RASEF: variants seen among roughly 807,000 people sequenced by gnomAD.
RASEF encodes the protein ras and EF-hand domain-containing protein.
Under a neutral mutation model 90.1 loss-of-function variants are expected in RASEF, and 68 were observed. The ratio of observed to expected loss-of-function variants is 0.75; its 90% confidence interval spans 0.62 to 0.92. The LOEUF (loss-of-function observed/expected upper bound fraction) is 0.92, where lower values mean the gene tolerates loss of function less well. Ranked by LOEUF, RASEF falls within the 40% of genes least tolerant of loss-of-function variation. RASEF has a pLI of 0.00. For missense variants in RASEF, 949 were observed against 937.2 expected (o/e 1.01, Z -0.16); for synonymous variants, 331 against 345.2 (o/e 0.96, Z 0.46).
At chr9:83,108,501 C>T in the RASEF span, among the ~76,000 whole-genome samples, 4 of 152,074 alleles carry the variant, frequency 2.6e-5, no homozygotes, top group Non-Finnish European at 4.4e-5. Context: ...CTGACCTAAG[C>T]CAGTGGTTCA....
At chr9:83,158,533 CACACACACACAT>C in the RASEF span, among the ~76,000 whole-genome samples, 5 of 149,256 alleles carry the variant, frequency 3.3e-5, no homozygotes, top group Non-Finnish European at 4.5e-5. Context: ...TCAAGCTTTC[CACACACACACAT>C]ACACACACAC....
chr9:83,123,531 C>A, the RASEF span, among the ~76,000 whole-genome samples: 2 of 150,106 alleles, frequency 1.3e-5, no homozygotes, highest in Admixed American at 6.6e-5. Context: ...TCAGAAACAG[C>A]AAAAGATACA....
chr9:82,998,306 C>T, intron 13 of RASEF, 59 bp downstream of exon 13: 1 of 944,728 alleles, frequency 1.1e-6, no homozygotes, highest in Non-Finnish European at 1.7e-6. Context: ...CATCAAGTGG[C>T]CTGCAAGGCT....
chr9:83,157,765 G>A, the RASEF span, among the ~76,000 whole-genome samples: 1 of 152,122 alleles, frequency 6.6e-6, no homozygotes, highest in African/African-American at 2.4e-5. Context: ...GCACATATTT[G>A]ATAAAAACTT....
chr9:83,049,798 T>C (rs1830009148), intron 1 of RASEF, among the ~76,000 whole-genome samples: 2 of 105,742 alleles, frequency 1.9e-5, no homozygotes, highest in Admixed American at 1.9e-4. Context: ...GGTGTTTGGT[T>C]TTTTGTTCTT....
At chr9:83,123,643 C>T in the RASEF span, among the ~76,000 whole-genome samples, 25 of 152,176 alleles carry the variant, frequency 1.6e-4, no homozygotes, top group Non-Finnish European at 3.4e-4. Context: ...CCGTGCTCTT[C>T]GAGTCTTCTG....
the RASEF span, among the ~76,000 whole-genome samples, chr9:83,119,820 G>C: frequency 6.6e-6 from 1 of 152,120 alleles, no homozygotes; most frequent in Non-Finnish European, 1.5e-5. Context: ...TCTGATAGTA[G>C]CTATTTCCTG....
rs568262465 is a variant in RASEF at position 83,014,226 on chromosome 9, G to A, written c.765+1579C>T. Among the ~76,000 whole-genome samples, 38 of 152,284 alleles carry A rather than the reference G, an allele frequency of 2.5e-4. No individual in the cohort carries two copies. In the East Asian group the frequency reaches 2.5e-3, roughly 10 times the overall value. Reference sequence around the variant, plus strand: ...CAAATTGATATTCATTTTCTAAGGAGGCTACTGGGGAGAATTCTTAATCAT... The same window carrying A: ...CAAATTGATATTCATTTTCTAAGGAAGCTACTGGGGAGAATTCTTAATCAT... On this transcript the variant is annotated intron_variant, in intron 4 of 16. Transcript: ENST00000376447.
chr9:83,033,399 G>A (rs1829680292), intron 1 of RASEF, among the ~76,000 whole-genome samples: 1 of 152,170 alleles, frequency 6.6e-6, no homozygotes, highest in East Asian at 1.9e-4. Flanking sequence ...AGTCCTTGGG[G>A]TATTCCCTGA....
the RASEF span, among the ~76,000 whole-genome samples, chr9:83,155,427 CAA>C: frequency 6.6e-6 from 1 of 152,124 alleles, no homozygotes; most frequent in African/African-American, 2.4e-5. Flanking sequence ...TGGCAGCAGA[CAA>C]GAGAGAATGA....
chr9:83,179,049 C>T, the RASEF span, among the ~76,000 whole-genome samples: 1 of 152,140 alleles, frequency 6.6e-6, no homozygotes, highest in African/African-American at 2.4e-5. Flanking sequence ...TGATTACTAC[C>T]CTCATGACTT....
At chr9:82,988,612 T>A in intron 16 of RASEF, among the ~76,000 whole-genome samples, 1 of 152,124 alleles carries the variant, frequency 6.6e-6, no homozygotes, top group East Asian at 1.9e-4. Flanking sequence ...CCCTTGGTGA[T>A]GAGTGAGTTC....
the RASEF span, among the ~76,000 whole-genome samples, chr9:83,170,356 G>C: frequency 4.6e-5 from 7 of 151,936 alleles, no homozygotes; most frequent in Non-Finnish European, 7.4e-5. Flanking sequence ...GGCAGGTAAT[G>C]TGATGCCTCC....
At chr9:83,061,671 ATAAT>A (rs1315257657) in intron 1 of RASEF, among the ~76,000 whole-genome samples, 20 of 152,178 alleles carry the variant, frequency 1.3e-4, no homozygotes, top group Non-Finnish European at 2.1e-4. Context: ...TTACCTCCTG[ATAAT>A]TAAGTCCGTG....
the RASEF span, among the ~76,000 whole-genome samples, chr9:83,132,694 A>G: frequency 1.3e-5 from 2 of 152,184 alleles, no homozygotes; most frequent in African/African-American, 2.4e-5. Flanking sequence ...TGACATTAGT[A>G]TGCAGTATTT....
At chr9:83,088,246 G>T in the RASEF span, among the ~76,000 whole-genome samples, 2 of 151,706 alleles carry the variant, frequency 1.3e-5, no homozygotes, top group African/African-American at 4.8e-5. Context: ...TATTTATATC[G>T]ATGTAGATAT....
the RASEF span, among the ~76,000 whole-genome samples, chr9:83,152,268 G>A: frequency 6.6e-6 from 1 of 152,184 alleles, no homozygotes; most frequent in East Asian, 1.9e-4. Flanking sequence ...CTATTCTGAG[G>A]TTGGTCCAAA....
rs536517705 is a variant in RASEF, at chr9:83,061,990, A to G, written c.431+447T>C. On this transcript the variant is annotated intron_variant, in intron 1 of 16. Coordinates refer to ENST00000376447, the MANE Select transcript of RASEF (RefSeq NM_152573.4). ...AAAGCCCAACAAAGTTTCCTTTTCT[A>G]TAGTCTTAGGAAAACGACAAATCAG... Among the ~76,000 whole-genome samples, 574 of 152,370 alleles carry G rather than the reference A, an allele frequency of 3.8e-3. 1 individual carries two copies. Among genetic ancestry groups the G allele is most frequent in the Non-Finnish European group, 6.1e-3 (418 of 68,040 alleles).
At chr9:83,024,234 G>A (rs1326232028) in intron 2 of RASEF, among the ~76,000 whole-genome samples, 1 of 152,170 alleles carries the variant, frequency 6.6e-6, no homozygotes, top group Non-Finnish European at 1.5e-5. Flanking sequence ...AGAAGGGAGT[G>A]GATGGGGACA....
Sources: gnomAD v4.1 joint callset for allele counts (sites outside exome capture counted in the v4.1 genomes callset) on GRCh38, gnomAD v4.1.1 for gene constraint, MANE v1.5 for transcripts, NCBI Gene and HGNC (gene_info 2026-07-23, HGNC 2026-07-21) for gene names.